DOCK2: variants seen among roughly 807,000 people sequenced by gnomAD.
The protein encoded by DOCK2 is dedicator of cytokinesis 2, also known as dedicator of cytokinesis protein 2.
In DOCK2, 87 loss-of-function variants were observed where a neutral mutation model predicts 248.9. The ratio of observed to expected loss-of-function variants is 0.35; its 90% CI spans 0.29 to 0.42. The LOEUF is 0.42. Among genes scored for constraint, DOCK2 ranks in the 10% least tolerant of loss-of-function variants. The pLI is 1.00. For missense variants in DOCK2, 1,747 were observed against 2,300.2 expected (o/e 0.76, Z 4.92); for synonymous variants, 805 against 821.6 (o/e 0.98, Z 0.35).
chr5:169,742,947 C>T (rs1463378895), intron 22 of DOCK2, among the ~76,000 whole-genome samples: 2 of 152,148 alleles, frequency 1.3e-5, no homozygotes, highest in East Asian at 3.9e-4. Context: ...GCCTTAGGGC[C>T]CTTCAATAAT....
At chr5:169,845,121 A>C (rs1770227637) in intron 27 of DOCK2, among the ~76,000 whole-genome samples, 1 of 149,770 alleles carries the variant, frequency 6.7e-6, no homozygotes, top group East Asian at 2.0e-4. Context: ...TCCACACTCC[A>C]CCTGAATTCG....
intron 32 of DOCK2, 132 bp from the exon 33 acceptor site, chr5:170,018,828 A>T (rs1755623229): frequency 8.3e-7 from 1 of 1,203,778 alleles, no homozygotes; most frequent in Non-Finnish European, 1.2e-6. Flanking sequence ...GGCTCATGGT[A>T]AACAACTATA....
At chr5:169,637,516 G>C in intron 1 of DOCK2, 147 bp downstream of exon 1, 1 of 985,090 alleles carries the variant, frequency 1.0e-6, no homozygotes, top group Non-Finnish European at 1.3e-6. Context: ...GGGCCTCGGG[G>C]CGGGAAAGCC....
chr5:169,825,161 C>T (rs1768759438), intron 26 of DOCK2, among the ~76,000 whole-genome samples: 1 of 152,180 alleles, frequency 6.6e-6, no homozygotes, highest in African/African-American at 2.4e-5. Flanking sequence ...AACACTTTTA[C>T]ACTGTTGGTG....
At chr5:169,869,177 G>A (rs1581323833) in intron 27 of DOCK2, among the ~76,000 whole-genome samples, 1 of 152,052 alleles carries the variant, frequency 6.6e-6, no homozygotes, top group South Asian at 2.1e-4. Flanking sequence ...CAGTAGCTGC[G>A]CACCTTACCA....
At position 170,069,147 on chromosome 5, in the gene DOCK2, C is replaced by G; in HGVS notation, c.4655C>G (p.Thr1552Ser). The stretch of plus-strand genomic sequence containing the variant: ...ATCTGTCCTCCCCAGGCCTTCTTCA[C>G]TGAAGAGTATGTCAGGGACCACCCT... ...GFAKYEKAFF[T>S]EEYVRDHPED... Residue 1552 changes from threonine (T) to serine (S), a missense_variant, in exon 46 of 52, where the codon ACT becomes AGT. Thr to Ser is a moderately conservative substitution (Grantham distance 58). Around this residue, in one of 4 missense-constraint regions of DOCK2, gnomAD observed 513 missense variants for 586.1 expected, o/e 0.88. Transcript: ENST00000520908. 3 of 1,613,924 alleles carry G rather than the reference C, an allele frequency of 1.9e-6. No individual in the cohort carries two copies. Among genetic ancestry groups the G allele is most frequent in the Non-Finnish European group, 2.5e-6 (3 of 1,179,894 alleles).
chr5:169,675,036 T>C (rs947014092), intron 6 of DOCK2, among the ~76,000 whole-genome samples: 8 of 152,242 alleles, frequency 5.3e-5, no homozygotes, highest in African/African-American at 1.9e-4. Flanking sequence ...GGCTTGGTGC[T>C]AAGTGTTTTG....
chr5:169,806,861 C>G (rs1767397067), intron 26 of DOCK2, among the ~76,000 whole-genome samples: 1 of 147,540 alleles, frequency 6.8e-6, no homozygotes, highest in South Asian at 2.2e-4. Flanking sequence ...CTCCACCCCC[C>G]ACCATCCCCC....
At chr5:169,683,170 A>G (rs1287045531) in intron 7 of DOCK2, among the ~76,000 whole-genome samples, 1 of 152,222 alleles carries the variant, frequency 6.6e-6, no homozygotes, top group Non-Finnish European at 1.5e-5. Flanking sequence ...GGATCATGTG[A>G]TAAGTGTATA....
chr5:170,032,001 C>A (rs1218842868), intron 34 of DOCK2, among the ~76,000 whole-genome samples: 1 of 151,626 alleles, frequency 6.6e-6, no homozygotes, highest in Non-Finnish European at 1.5e-5. Context: ...TGGAAGTTTG[C>A]AAAGTCTTGG....
At chr5:169,904,041 C>T (rs867239359) in intron 27 of DOCK2, among the ~76,000 whole-genome samples, 2 of 140,830 alleles carry the variant, frequency 1.4e-5, no homozygotes, top group African/African-American at 5.5e-5. Flanking sequence ...TGCAGTGAGC[C>T]GAGATCGTTC....
intron 27 of DOCK2, among the ~76,000 whole-genome samples, chr5:169,914,577 C>T (rs1397348797): frequency 6.6e-6 from 1 of 152,160 alleles, no homozygotes. Context: ...TCTAATCTGG[C>T]CTGCACAGTG....
intron 26 of DOCK2, among the ~76,000 whole-genome samples, chr5:169,804,615 A>G (rs1429975198): frequency 6.6e-6 from 1 of 152,188 alleles, no homozygotes; most frequent in Non-Finnish European, 1.5e-5. Flanking sequence ...CACTGTGCTA[A>G]ATGCAATCTG....
intron 27 of DOCK2, among the ~76,000 whole-genome samples, 174 bp from the exon 28 acceptor site, chr5:169,982,894 G>A (rs1358276581): frequency 6.6e-6 from 1 of 152,206 alleles, no homozygotes; most frequent in Non-Finnish European, 1.5e-5. Flanking sequence ...AGCAGGAGAG[G>A]TAATGGATCA....
At chr5:169,963,399 C>T (rs1777169857) in intron 27 of DOCK2, among the ~76,000 whole-genome samples, 1 of 152,186 alleles carries the variant, frequency 6.6e-6, no homozygotes. Flanking sequence ...CCTCCCCATC[C>T]AGAGAGTCAT....
intron 2 of DOCK2, among the ~76,000 whole-genome samples, chr5:169,669,032 C>A (rs1180645235): frequency 6.6e-6 from 1 of 152,054 alleles, no homozygotes; most frequent in Non-Finnish European, 1.5e-5. Flanking sequence ...CACTGGCCAG[C>A]ACTACTGGGG....
chr5:169,909,940 C>T lies in DOCK2; in HGVS notation c.2799+69088C>T, dbSNP rs181753859. On this transcript the variant is annotated intron_variant, in intron 27 of 51. Transcript: ENST00000520908. ...CTCAGTCCCACAATTGACCCTTGTG[C>T]AGCTTGAGCCACAAAATGCCACTCA... Among the ~76,000 whole-genome samples, 303 of 152,240 alleles carry T rather than the reference C, an allele frequency of 2.0e-3. 1 individual carries two copies. Among genetic ancestry groups the T allele is most frequent in the African/African-American group, 6.9e-3 (286 of 41,534 alleles).
At position 169,777,637 on chromosome 5, in the gene DOCK2, C is replaced by T. The variant is rs1765459248; in HGVS notation, c.2554+16012C>T. On this transcript the variant is annotated intron_variant, in intron 25 of 51. Transcript: ENST00000520908. The stretch of plus-strand genomic sequence containing the variant: ...CTGGATCAATTCCTGATTTTGCTAC[C>T]TTACCCGGGATACTTCACCTCTGTA... 2.0e-5 allele frequency among the ~76,000 whole-genome samples: 3 copies of T among 152,286 alleles called. No individual in the cohort carries two copies. In the South Asian group the frequency reaches 6.2e-4, roughly 32 times the overall value.
In DOCK2 at chr5:170,047,496, T is replaced by C; in HGVS notation, c.3967-14T>C. On this transcript the variant is annotated splice_polypyrimidine_tract_variant and intron_variant, in intron 39 of 51. Coordinates refer to ENST00000520908, the MANE Select transcript of DOCK2 (RefSeq NM_004946.3). ...CACATCTGTGTTGCAACAAACCTTG[T>C]TTTCTTCCTTTAGATCCAGCAGGCA... 1.9e-6 allele frequency: 3 copies of C among 1,612,736 alleles called. No individual in the cohort carries two copies. Among genetic ancestry groups the C allele is most frequent in the Non-Finnish European group, 2.5e-6 (3 of 1,179,198 alleles).
Sources: allele counts gnomAD v4.1 joint callset (sites outside exome capture counted in the v4.1 genomes callset), GRCh38; gene constraint gnomAD v4.1.1; regional missense constraint gnomAD v4.1.1; transcripts MANE v1.5; gene names NCBI Gene and HGNC (gene_info 2026-07-23, HGNC 2026-07-21).